DMD: variants seen among roughly 807,000 people sequenced by gnomAD.
DMD encodes dystrophin, also known as mutant dystrophin.
A neutral mutation model predicts 330.1 loss-of-function variants in DMD; 63 were observed. The ratio of observed to expected loss-of-function variants is 0.19; its 90% CI spans 0.16 to 0.24. The LOEUF (loss-of-function observed/expected upper bound fraction) is 0.24. DMD is among the 10% of genes least tolerant of loss of function. The probability of loss-of-function intolerance (pLI) is 1.00; values close to 1 mark genes in which losing one functional copy is unlikely to be tolerated. For missense variants in DMD, 3,344 were observed against 2,684.1 expected, an observed-to-expected ratio of 1.25 and a Z score of -5.43; for synonymous variants, 1,223 against 959.8, an observed-to-expected ratio of 1.27 and a Z score of -5.07.
intron 17 of DMD, among the ~76,000 whole-genome samples, chrX:32,526,812 G>T (rs1212798092): frequency 8.9e-6 from 1 of 112,264 alleles, no homozygotes; most frequent in Non-Finnish European, 1.9e-5. Flanking sequence ...ATATAACTGT[G>T]CTAATTATGT....
intron 11 of DMD, among the ~76,000 whole-genome samples, chrX:32,619,337 A>G (rs764501825): frequency 1.5e-4 from 17 of 111,285 alleles, no homozygotes; most frequent in African/African-American, 5.2e-4. Flanking sequence ...GTATGGAGAT[A>G]CTTTTCAAGG....
intron 9 of DMD, among the ~76,000 whole-genome samples, chrX:32,695,117 A>G (rs899307496): frequency 3.6e-5 from 4 of 112,482 alleles, no homozygotes; most frequent in Non-Finnish European, 5.6e-5. Flanking sequence ...CACAAGCGCT[A>G]AATAATCAAA....
At chrX:32,093,967 G>A (rs186159979) in intron 44 of DMD, among the ~76,000 whole-genome samples, 71 of 110,704 alleles carry the variant, frequency 6.4e-4, no homozygotes, top group Admixed American at 9.7e-4. Context: ...ATGAGGTTAC[G>A]GAGAATTATT....
At chrX:32,573,364 T>A (rs1006472744) in intron 15 of DMD, among the ~76,000 whole-genome samples, 166 bp downstream of exon 15, 7 of 111,958 alleles carry the variant, frequency 6.3e-5, no homozygotes, top group Non-Finnish European at 1.3e-4. Context: ...ACCTATAGTT[T>A]TTTCCCACTT....
At chrX:33,153,239 C>T (rs777154768) in intron 1 of DMD, among the ~76,000 whole-genome samples, 2 of 112,578 alleles carry the variant, frequency 1.8e-5, no homozygotes, top group South Asian at 3.6e-4. Context: ...GGAGAAACCC[C>T]GTTTCTATTA....
chrX:31,688,804 G>C (rs1226204961), intron 52 of DMD, among the ~76,000 whole-genome samples: 9 of 111,527 alleles, frequency 8.1e-5, no homozygotes, highest in African/African-American at 2.9e-4. Context: ...GGGATGCAAG[G>C]CTGGTTCAAC....
At chrX:32,715,554 G>A (rs1039269702) in intron 7 of DMD, among the ~76,000 whole-genome samples, 4 of 108,148 alleles carry the variant, frequency 3.7e-5, no homozygotes, top group Non-Finnish European at 5.7e-5. Flanking sequence ...AGGGACTTAG[G>A]GAGGCCATGG....
rs148999767 is a variant in DMD at position 32,714,069 on chromosome X, T to G, written c.650-14776A>C. On this transcript the variant is annotated intron_variant, in intron 7 of 78. Coordinates refer to ENST00000357033, the MANE Select transcript of DMD (RefSeq NM_004006.3). ...GGCATGATTAAATGGGTACTCAAAG[T>G]ACGGTTTCTACTGAACGCACACTGC... is the stretch of plus-strand genomic sequence containing the variant. Among the ~76,000 whole-genome samples the G allele has an allele frequency of 4.8e-3, 533 of 111,801 alleles. 5 individuals carry two copies. The highest frequency in any genetic ancestry group is 0.017 in the African/African-American group (521 of 30,772).
intron 46 of DMD, among the ~76,000 whole-genome samples, chrX:31,931,690 T>G (rs1178828186): frequency 1.8e-5 from 2 of 111,563 alleles, no homozygotes; most frequent in Non-Finnish European, 3.8e-5. Context: ...GATTTAGATT[T>G]TATGATTCCA....
intron 7 of DMD, among the ~76,000 whole-genome samples, chrX:32,802,937 TTG>T (rs2076685687): frequency 9.0e-6 from 1 of 111,609 alleles, no homozygotes; most frequent in African/African-American, 3.3e-5. Flanking sequence ...ATTTTTTTTA[TTG>T]TGTCTCTGCC....
chrX:31,923,332 G>A (rs2094719767), intron 47 of DMD, among the ~76,000 whole-genome samples: 1 of 111,627 alleles, frequency 9.0e-6, no homozygotes, highest in South Asian at 3.7e-4. Flanking sequence ...ATAATGCCAA[G>A]CCCTATAAAA....
At chrX:33,034,096 C>T (rs5927131) in intron 1 of DMD, among the ~76,000 whole-genome samples, 34,935 of 109,220 alleles carry the variant, frequency 0.32, 4,508 homozygotes, top group East Asian at 0.73. Flanking sequence ...CATACATAAG[C>T]TTCATACATA....
At chrX:31,386,606 A>C (rs1228046674) in intron 60 of DMD, among the ~76,000 whole-genome samples, 3 of 112,093 alleles carry the variant, frequency 2.7e-5, no homozygotes, top group African/African-American at 3.2e-5. Context: ...CAGGGGTCTA[A>C]TCCATCTCTG....
At chrX:31,582,031 A>AT (rs2076364505) in intron 55 of DMD, among the ~76,000 whole-genome samples, 1 of 111,785 alleles carries the variant, frequency 8.9e-6, no homozygotes. Flanking sequence ...TAACACTGAA[A>AT]TATCTGGCAC....
intron 49 of DMD, among the ~76,000 whole-genome samples, chrX:31,821,267 C>A (rs1030202191): frequency 1.8e-5 from 2 of 112,550 alleles, no homozygotes; most frequent in Admixed American, 1.9e-4. Flanking sequence ...TGCATGGTAG[C>A]CCCGGAGTTC....
chrX:31,772,478 T>C (rs181356237), intron 51 of DMD, among the ~76,000 whole-genome samples: 2 of 112,369 alleles, frequency 1.8e-5, no homozygotes, highest in Admixed American at 1.9e-4. Flanking sequence ...GTACCTCTTG[T>C]TTCTGTATGT....
intron 17 of DMD, among the ~76,000 whole-genome samples, chrX:32,543,444 C>A (rs139772563): frequency 2.7e-3 from 298 of 110,860 alleles, no homozygotes; most frequent in African/African-American, 9.0e-3. Flanking sequence ...TTAGGCAAGT[C>A]CTGAAGACAT....
chrX:32,406,303 G>C (rs1216319360), intron 30 of DMD, among the ~76,000 whole-genome samples: 1 of 111,540 alleles, frequency 9.0e-6, no homozygotes, highest in African/African-American at 3.3e-5. Context: ...AATAGGAGCA[G>C]TGAGAGAGGG....
chrX:31,684,809 C>T (rs767927249), intron 52 of DMD, among the ~76,000 whole-genome samples: 51 of 111,870 alleles, frequency 4.6e-4, no homozygotes, highest in African/African-American at 1.6e-3. Context: ...AATCAAGCCT[C>T]GTCTATCTTT....
Sources: allele counts gnomAD v4.1 joint callset (sites outside exome capture counted in the v4.1 genomes callset), GRCh38; gene constraint gnomAD v4.1.1; transcripts MANE v1.5; gene names NCBI Gene and HGNC (gene_info 2026-07-23, HGNC 2026-07-21).